ANO10: variants seen among roughly 807,000 people sequenced by gnomAD.
ANO10 encodes the protein anoctamin-10.
Under a neutral mutation model 74.7 loss-of-function variants are expected in ANO10, and 77 were observed. That is an observed-to-expected ratio of 1.03 (90% confidence interval 0.86 to 1.25). The LOEUF is 1.25. Among genes scored for constraint, ANO10 ranks in the 50% most tolerant of loss-of-function variants. ANO10 has a pLI of 0.00. For missense variants in ANO10, 721 were observed against 778.1 expected (o/e 0.93, Z 0.87); for synonymous variants, 279 against 284.9 (o/e 0.98, Z 0.21).
intron 7 of ANO10, among the ~76,000 whole-genome samples, chr3:43,573,475 A>G (rs1047491446): frequency 6.6e-6 from 1 of 152,224 alleles, no homozygotes; most frequent in Non-Finnish European, 1.5e-5. Context: ...AATGATTTCT[A>G]CAGCTAGAAC....
At chr3:43,625,685 T>C (rs1326462987), upstream of ANO10, among the ~76,000 whole-genome samples, 4 of 152,238 alleles carry the variant, frequency 2.6e-5, no homozygotes, top group African/African-American at 7.2e-5. Flanking sequence ...ATTTGTATTG[T>C]CTAATTTTCT....
At position 43,608,988 on chromosome 3, in the gene ANO10, G is replaced by A. The variant is rs538319261; in HGVS notation, c.-11-3125C>T. 3.9e-5 allele frequency among the ~76,000 whole-genome samples: 6 copies of A among 152,142 alleles called. No individual in the cohort carries two copies. The East Asian group carries it at 7.7e-4, about 20-fold the overall frequency. On this transcript the variant is annotated intron_variant, in intron 1 of 12. Coordinates refer to ENST00000292246, the MANE Select transcript of ANO10 (RefSeq NM_018075.5). The stretch of plus-strand genomic sequence containing the variant: ...TTTGTAATATAGGAACTCCCCTACC[G>A]CCTTTTAAATTTAATTTCCTCTTTA...
chr3:43,661,607 T>C (rs961550853), intron 1 of ANO10, among the ~76,000 whole-genome samples: 3 of 152,166 alleles, frequency 2.0e-5, no homozygotes, highest in Non-Finnish European at 4.4e-5. Flanking sequence ...AGACACAGAC[T>C]GGCAAATTGG....
chr3:43,649,978 A>C (rs1200195942), intron 1 of ANO10, among the ~76,000 whole-genome samples: 1 of 152,002 alleles, frequency 6.6e-6, no homozygotes, highest in African/African-American at 2.4e-5. Context: ...GCTACAGTGC[A>C]CTCTTTTAGC....
At chr3:43,499,314 C>A (rs528579714) in intron 11 of ANO10, among the ~76,000 whole-genome samples, 95 of 152,184 alleles carry the variant, frequency 6.2e-4, no homozygotes, top group African/African-American at 2.1e-3. Context: ...ATTTCCACAG[C>A]CATGTACAGT....
In ANO10 at chr3:43,676,424, C is replaced by A. The variant is rs567727693; in HGVS notation, c.-12+15093G>T. On this transcript the variant is annotated intron_variant, in intron 1 of 3. Coordinates refer to the ANO10 transcript ENST00000413397. ...GTACTGAGCCAGGTTTGCACCTGCA[C>A]TCCAGCCTGGGAGACAGAGTGAGAC... 8.5e-5 allele frequency among the ~76,000 whole-genome samples: 13 copies of A among 152,240 alleles called. No individual in the cohort carries two copies. The South Asian group carries it at 2.5e-3, about 29-fold the overall frequency.
At chr3:43,548,805 C>T (rs1451880870) in intron 11 of ANO10, among the ~76,000 whole-genome samples, 1 of 152,134 alleles carries the variant, frequency 6.6e-6, no homozygotes, top group East Asian at 1.9e-4. Context: ...ATTCCATTTA[C>T]ATTTGGTTAG....
chr3:43,381,835 C>G (rs1327754452), intron 12 of ANO10, among the ~76,000 whole-genome samples: 1 of 152,146 alleles, frequency 6.6e-6, no homozygotes, highest in East Asian at 1.9e-4. Context: ...CAAGTCTCAA[C>G]AAATATAAGA....
rs541669852 is a variant in ANO10, at chr3:43,588,263, T to C, written c.473-7791A>G. On this transcript the variant is annotated intron_variant, in intron 4 of 12. Transcript: ENST00000292246. ...GTAATTACGGTAATGTTATTAAGAA[T>C]CAATATTTTCAATATGAGTAAAAAG... 4.6e-5 allele frequency among the ~76,000 whole-genome samples: 7 copies of C among 152,232 alleles called. No homozygotes were observed. In the East Asian group the frequency reaches 1.3e-3, roughly 29 times the overall value.
At chr3:43,676,922 A>G (rs1293505445) in intron 1 of ANO10, among the ~76,000 whole-genome samples, 1 of 152,008 alleles carries the variant, frequency 6.6e-6, no homozygotes, top group African/African-American at 2.4e-5. Flanking sequence ...AGAAAGGGGG[A>G]TGATTTCTAT....
At chr3:43,472,239 A>G (rs1216449601) in intron 11 of ANO10, among the ~76,000 whole-genome samples, 1 of 152,142 alleles carries the variant, frequency 6.6e-6, no homozygotes, top group Non-Finnish European at 1.5e-5. Flanking sequence ...GTAGGGAGAG[A>G]GTTTGACAAT....
intron 12 of ANO10, among the ~76,000 whole-genome samples, chr3:43,432,117 C>CTTT (rs796692983): frequency 3.0e-5 from 4 of 133,950 alleles, no homozygotes; most frequent in Non-Finnish European, 6.4e-5. Flanking sequence ...TCCAGCATGG[C>CTTT]TTTTTTTTTT....
chr3:43,533,720 T>A (rs892161952), intron 11 of ANO10, among the ~76,000 whole-genome samples: 1 of 152,252 alleles, frequency 6.6e-6, no homozygotes, highest in African/African-American at 2.4e-5. Flanking sequence ...CCAATCATTG[T>A]ACTTCAACCT....
At chr3:43,621,402 C>T (rs2083385379) in intron 1 of ANO10, among the ~76,000 whole-genome samples, 2 of 152,136 alleles carry the variant, frequency 1.3e-5, no homozygotes, top group Non-Finnish European at 2.9e-5. Context: ...CCCGCTCCGG[C>T]CAAACCTGCT....
intron 7 of ANO10, among the ~76,000 whole-genome samples, chr3:43,571,184 A>G (rs2080692052): frequency 6.6e-6 from 1 of 151,060 alleles, no homozygotes; most frequent in Non-Finnish European, 1.5e-5. Flanking sequence ...GTCAGGAAAC[A>G]ACAGGTGCTA....
At chr3:43,514,827 T>C (rs1279370173) in intron 11 of ANO10, among the ~76,000 whole-genome samples, 3 of 152,184 alleles carry the variant, frequency 2.0e-5, no homozygotes, top group African/African-American at 4.8e-5. Context: ...AAAAAGATAT[T>C]TGGAAAATCC....
intron 8 of ANO10, among the ~76,000 whole-genome samples, chr3:43,564,780 C>T (rs1257139778): frequency 6.6e-6 from 1 of 152,146 alleles, no homozygotes; most frequent in Non-Finnish European, 1.5e-5. Context: ...TATCAATCTC[C>T]ACTTTTCTCA....
At position 43,484,865 on chromosome 3, in the gene ANO10, G is replaced by A. The variant is rs180970333; in HGVS notation, c.1798-52138C>T. ...TCATGGAGGCGGGGCTGTGTTCTCC[G>A]CCAACAGGCATGACCAATTGTCTAA... On this transcript the variant is annotated intron_variant, in intron 11 of 12. Coordinates refer to ENST00000292246, the MANE Select transcript of ANO10 (RefSeq NM_018075.5). 94 of 574,584 alleles carry A rather than the reference G, an allele frequency of 1.6e-4. No individual in the cohort carries two copies. In the East Asian group the frequency reaches 2.4e-3, roughly 14 times the overall value. The allele number at this position is 574,584 out of a possible 1,614,324, so 35.6% of individuals were successfully genotyped here.
intron 1 of ANO10, among the ~76,000 whole-genome samples, chr3:43,608,738 C>T (rs1360324308): frequency 6.6e-6 from 1 of 152,032 alleles, no homozygotes; most frequent in East Asian, 1.9e-4. Flanking sequence ...CGTGCCATGA[C>T]ACCCAGCTAA....
Sources: gnomAD v4.1 joint callset for allele counts (sites outside exome capture counted in the v4.1 genomes callset) on GRCh38, gnomAD v4.1.1 for gene constraint, MANE v1.5 for transcripts, NCBI Gene and HGNC (gene_info 2026-07-23, HGNC 2026-07-21) for gene names.